The following METTL15 variants were observed in gnomAD, a reference collection of about 807,000 sequenced individuals.
METTL15 encodes 12S rRNA N(4)-cytidine methyltransferase METTL15.
In METTL15, 34 loss-of-function variants were observed where a neutral mutation model predicts 38.3. The observed-to-expected ratio is 0.89, with a 90% CI of 0.68 to 1.18. The LOEUF (loss-of-function observed/expected upper bound fraction) is 1.18, where lower values mean the gene tolerates loss of function less well. Among genes scored for constraint, METTL15 ranks in the 50% most tolerant of loss-of-function variants. METTL15 has a pLI of 0.00. For synonymous variants in METTL15, 162 were observed against 170.9 expected, an observed-to-expected ratio of 0.95 and a Z score of 0.41; for missense variants, 438 against 498.4, an observed-to-expected ratio of 0.88 and a Z score of 1.15.
chr11:28,208,022 A>G (rs1000092410), intron 3 of METTL15, among the ~76,000 whole-genome samples: 2 of 151,940 alleles, frequency 1.3e-5, no homozygotes, highest in Admixed American at 6.6e-5. Context: ...TAGTCTTGCT[A>G]GCAGTCTATC....
At chr11:28,231,454 A>G (rs528425237) in intron 4 of METTL15, among the ~76,000 whole-genome samples, 1 of 152,030 alleles carries the variant, frequency 6.6e-6, no homozygotes, top group South Asian at 2.1e-4. Flanking sequence ...GAATACTTCT[A>G]TAAAACAGGC....
At chr11:28,292,389 C>G (rs1273423582) in intron 5 of METTL15, among the ~76,000 whole-genome samples, 1 of 152,064 alleles carries the variant, frequency 6.6e-6, no homozygotes, top group Non-Finnish European at 1.5e-5. Context: ...GACGTGAACT[C>G]ATCCTTTTTT....
At chr11:28,463,704 G>T (rs1008022560) in intron 6 of METTL15, among the ~76,000 whole-genome samples, 1 of 151,486 alleles carries the variant, frequency 6.6e-6, no homozygotes, top group African/African-American at 2.4e-5. Context: ...AAATCCCAGG[G>T]ACTTAGTACC....
chr11:28,335,879 T>G (rs530736336), downstream of METTL15, among the ~76,000 whole-genome samples: 2 of 152,284 alleles, frequency 1.3e-5, no homozygotes, highest in Non-Finnish European at 2.9e-5. Context: ...TCTTTATAAA[T>G]TACCCAGCCT....
At chr11:28,517,194 C>T (rs183408343) in intron 6 of METTL15, 9 of 152,102 alleles carry the variant, frequency 5.9e-5, no homozygotes, top group African/African-American at 2.2e-4. Context: ...AGAAGCCAAG[C>T]TTGAAATCAG....
intron 6 of METTL15, among the ~76,000 whole-genome samples, chr11:28,436,849 A>C (rs750429511): frequency 2.6e-5 from 4 of 152,096 alleles, no homozygotes; most frequent in Non-Finnish European, 5.9e-5. Context: ...GGGTGTGTCT[A>C]TGGGGATGTT....
chr11:28,387,358 T>C (rs1564915664), intron 5 of METTL15, among the ~76,000 whole-genome samples: 1 of 151,298 alleles, frequency 6.6e-6, no homozygotes, highest in Non-Finnish European at 1.5e-5. Context: ...AAAAAGGAGA[T>C]ATTACAACTA....
chr11:28,500,474 C>T (rs1449437648), intron 6 of METTL15, among the ~76,000 whole-genome samples: 1 of 151,992 alleles, frequency 6.6e-6, no homozygotes, highest in Admixed American at 6.5e-5. Context: ...CTCCTGTATT[C>T]TGCTCTCTTC....
intron 4 of METTL15, among the ~76,000 whole-genome samples, chr11:28,213,098 A>G (rs1433479541): frequency 6.6e-6 from 1 of 152,158 alleles, no homozygotes; most frequent in Non-Finnish European, 1.5e-5. Context: ...ATGTATTCCA[A>G]TCTCTAGCCT....
intron 5 of METTL15, among the ~76,000 whole-genome samples, chr11:28,416,880 A>G (rs1850776810): frequency 6.6e-6 from 1 of 152,218 alleles, no homozygotes; most frequent in Admixed American, 6.5e-5. Context: ...TCTATTACTT[A>G]GGAAGACAAA....
intron 5 of METTL15, among the ~76,000 whole-genome samples, chr11:28,292,979 C>T (rs928802228): frequency 9.9e-5 from 15 of 152,074 alleles, no homozygotes; most frequent in African/African-American, 3.4e-4. Flanking sequence ...GAGTAGGTTG[C>T]AAAAATTTTC....
intron 3 of METTL15, among the ~76,000 whole-genome samples, chr11:28,194,224 G>A (rs1478182359): frequency 1.5e-5 from 2 of 131,120 alleles, no homozygotes; most frequent in East Asian, 4.6e-4. Context: ...AATATATGGA[G>A]TTTTGCTCTT....
chr11:28,376,200 G>A (rs1426359742), intron 5 of METTL15, among the ~76,000 whole-genome samples: 1 of 151,952 alleles, frequency 6.6e-6, no homozygotes, highest in African/African-American at 2.4e-5. Context: ...GTGCAGAGCT[G>A]AGTTCAATTC....
At chr11:28,374,173 T>G (rs1385818747) in intron 5 of METTL15, among the ~76,000 whole-genome samples, 3 of 152,066 alleles carry the variant, frequency 2.0e-5, no homozygotes, top group Non-Finnish European at 4.4e-5. Flanking sequence ...CCGTATGAAC[T>G]TAAAGTAGTT....
intron 4 of METTL15, among the ~76,000 whole-genome samples, chr11:28,220,655 C>G (rs1210885325): frequency 6.6e-6 from 1 of 152,048 alleles, no homozygotes; most frequent in East Asian, 1.9e-4. Flanking sequence ...TCTTCCTAGC[C>G]TCGATGGTCT....
intron 5 of METTL15, among the ~76,000 whole-genome samples, chr11:28,373,173 C>G (rs998997339): frequency 1.2e-4 from 19 of 152,102 alleles, no homozygotes; most frequent in African/African-American, 4.6e-4. Flanking sequence ...ACTTCTAGTT[C>G]TAGATCCCTG....
chr11:28,466,410 C>T (rs1851257058), intron 6 of METTL15, among the ~76,000 whole-genome samples: 1 of 152,082 alleles, frequency 6.6e-6, no homozygotes. Flanking sequence ...GTGGAGAAAC[C>T]TGTTTTCTTA....
chr11:28,237,293 GT>G (rs904168212), intron 4 of METTL15, among the ~76,000 whole-genome samples: 15 of 152,242 alleles, frequency 9.9e-5, no homozygotes, highest in Admixed American at 2.6e-4. Flanking sequence ...TGGAGGCTTT[GT>G]TTGTTTCTTT....
chr11:28,326,383 G>T (rs1849635630), intron 6 of METTL15, among the ~76,000 whole-genome samples: 2 of 151,842 alleles, frequency 1.3e-5, no homozygotes, highest in Non-Finnish European at 2.9e-5. Context: ...CTTGTTCTCT[G>T]ATCAGTGACT....
Sources: allele counts gnomAD v4.1 joint callset (sites outside exome capture counted in the v4.1 genomes callset), GRCh38; gene constraint gnomAD v4.1.1; transcripts MANE v1.5; gene names NCBI Gene and HGNC (gene_info 2026-07-23, HGNC 2026-07-21).